The following PPARGC1A variants were observed in gnomAD, a reference collection of about 807,000 sequenced individuals.
The protein encoded by PPARGC1A is peroxisome proliferator-activated receptor gamma coactivator 1-alpha.
PPARGC1A carries 25 observed loss-of-function variants against 88.7 expected under a neutral mutation model. That is an observed-to-expected ratio of 0.28 (90% CI 0.21 to 0.39). PPARGC1A has a LOEUF of 0.39. Ranked by LOEUF, PPARGC1A falls within the 10% of genes least tolerant of loss-of-function variation. The probability of loss-of-function intolerance (pLI) is 1.00; values close to 1 mark genes in which losing one functional copy is unlikely to be tolerated. For synonymous variants in PPARGC1A, 363 were observed against 355.6 expected (o/e 1.02, Z -0.24); for missense variants, 880 against 968.7 (o/e 0.91, Z 1.22).
At chr4:24,130,458 C>T in the PPARGC1A span, among the ~76,000 whole-genome samples, 1 of 152,160 alleles carries the variant, frequency 6.6e-6, no homozygotes, top group Admixed American at 6.6e-5. Context: ...CATGCATTGC[C>T]TCATCTGAGC....
the PPARGC1A span, among the ~76,000 whole-genome samples, chr4:24,260,130 A>G: frequency 6.6e-6 from 1 of 152,224 alleles, no homozygotes; most frequent in African/African-American, 2.4e-5. Flanking sequence ...ACATTTTCTG[A>G]TTTAATAGCA....
the PPARGC1A span, among the ~76,000 whole-genome samples, chr4:24,237,825 C>T: frequency 2.6e-5 from 4 of 152,220 alleles, no homozygotes; most frequent in East Asian, 1.9e-4. Flanking sequence ...TGTCATTTTT[C>T]GAATGAAGAT....
intron 4 of PPARGC1A, among the ~76,000 whole-genome samples, chr4:23,829,063 G>A (rs1050586558): frequency 1.3e-5 from 2 of 152,172 alleles, no homozygotes; most frequent in African/African-American, 4.8e-5. Context: ...CCAATTAATG[G>A]CAGAGATAGA....
intron 3 of PPARGC1A, among the ~76,000 whole-genome samples, chr4:23,830,880 A>G (rs1724870171): frequency 6.6e-6 from 1 of 152,230 alleles, no homozygotes; most frequent in Non-Finnish European, 1.5e-5. Context: ...CATAAATTTA[A>G]GTAACTTGGG....
the PPARGC1A span, among the ~76,000 whole-genome samples, chr4:24,352,985 G>T: frequency 2.0e-5 from 3 of 152,246 alleles, no homozygotes; most frequent in African/African-American, 7.2e-5. Context: ...GGCATGGGAG[G>T]GGGCTGGAGT....
intron 2 of PPARGC1A, among the ~76,000 whole-genome samples, chr4:23,841,154 C>A (rs1560420000): frequency 1.3e-5 from 2 of 152,080 alleles, no homozygotes; most frequent in African/African-American, 4.8e-5. Flanking sequence ...AATCAATTTG[C>A]AAACATCTTG....
At chr4:24,192,260 C>G in the PPARGC1A span, among the ~76,000 whole-genome samples, 4 of 152,166 alleles carry the variant, frequency 2.6e-5, no homozygotes, top group Non-Finnish European at 4.4e-5. Context: ...CCTCCCTGAA[C>G]GTCCATTTGC....
chr4:23,867,060 A>G (rs1311394092), intron 2 of PPARGC1A, among the ~76,000 whole-genome samples: 1 of 152,176 alleles, frequency 6.6e-6, no homozygotes, highest in Non-Finnish European at 1.5e-5. Context: ...AATTTTATAA[A>G]TAAATAAGAG....
At chr4:23,959,675 G>C in the PPARGC1A span, among the ~76,000 whole-genome samples, 37 of 152,160 alleles carry the variant, frequency 2.4e-4, no homozygotes, top group African/African-American at 7.9e-4. Context: ...TGAGCTCTTG[G>C]GGTCTCCTAT....
intron 2 of PPARGC1A, among the ~76,000 whole-genome samples, chr4:23,859,630 A>G (rs1013794140): frequency 6.6e-6 from 1 of 151,780 alleles, no homozygotes; most frequent in African/African-American, 2.4e-5. Flanking sequence ...AAATACAAAA[A>G]ATTAGCCCAG....
intron 1 of PPARGC1A, chr4:23,888,795 T>G: frequency 2.9e-6 from 1 of 349,436 alleles, no homozygotes; most frequent in Non-Finnish European, 4.0e-6. Context: ...CATGGACATC[T>G]TATTTAATCA....
chr4:24,226,602 A>T, the PPARGC1A span, among the ~76,000 whole-genome samples: 2 of 152,158 alleles, frequency 1.3e-5, no homozygotes, highest in African/African-American at 4.8e-5. Flanking sequence ...TTTTGGGTTT[A>T]TTTCCTTGGT....
chr4:23,959,966 G>T, the PPARGC1A span, among the ~76,000 whole-genome samples: 1 of 152,068 alleles, frequency 6.6e-6, no homozygotes, highest in African/African-American at 2.4e-5. Flanking sequence ...TATAAACTTG[G>T]TCAGCCTGGG....
chr4:24,004,919 A>G, the PPARGC1A span, among the ~76,000 whole-genome samples: 1 of 152,298 alleles, frequency 6.6e-6, no homozygotes, highest in South Asian at 2.1e-4. Context: ...GGTCATGTGT[A>G]TAAGGCCCAT....
At chr4:24,129,805 A>G in the PPARGC1A span, among the ~76,000 whole-genome samples, 1 of 152,220 alleles carries the variant, frequency 6.6e-6, no homozygotes, top group African/African-American at 2.4e-5. Flanking sequence ...ACCATGGAAT[A>G]CTATGCAGCC....
At chr4:23,969,485 T>A in the PPARGC1A span, among the ~76,000 whole-genome samples, 1 of 152,196 alleles carries the variant, frequency 6.6e-6, no homozygotes, top group Non-Finnish European at 1.5e-5. Context: ...AGCAATTTCT[T>A]TTACGCTTTT....
chr4:24,103,595 C>CAAAAAAAAAAAAAAAAAAAAAAAAAAA, the PPARGC1A span, among the ~76,000 whole-genome samples: 6 of 121,576 alleles, frequency 4.9e-5, no homozygotes, highest in South Asian at 8.2e-4. Flanking sequence ...TGCCTTCTTC[C>CAAAAAAAAAAAAAAAAAAAAAAAAAAA]AAAAAAAAAA....
chr4:24,046,092 C>T, the PPARGC1A span, among the ~76,000 whole-genome samples: 1 of 152,154 alleles, frequency 6.6e-6, no homozygotes, highest in Non-Finnish European at 1.5e-5. Context: ...AACAATGTAC[C>T]CTGAACATCC....
the PPARGC1A span, among the ~76,000 whole-genome samples, chr4:23,988,224 G>A: frequency 6.6e-6 from 1 of 151,988 alleles, no homozygotes; most frequent in African/African-American, 2.4e-5. Context: ...CTTTGCTATT[G>A]TGAATAGTGC....
Sources: allele counts gnomAD v4.1 joint callset (sites outside exome capture counted in the v4.1 genomes callset), GRCh38; gene constraint gnomAD v4.1.1; transcripts MANE v1.5; gene names NCBI Gene and HGNC (gene_info 2026-07-23, HGNC 2026-07-21).